Variants in SLC35F1 observed in about 807,000 individuals in gnomAD.
SLC35F1 encodes chromosome 6 open reading frame 169.
SLC35F1 carries 14 observed loss-of-function variants against 48.7 expected under a neutral mutation model. The observed-to-expected ratio is 0.29, with a 90% CI of 0.19 to 0.45. The LOEUF (loss-of-function observed/expected upper bound fraction) is 0.45, where lower values mean the gene tolerates loss of function less well. Ranked by LOEUF, SLC35F1 falls within the 20% of genes least tolerant of loss-of-function variation. The pLI, the probability that SLC35F1 is intolerant of heterozygous loss-of-function variation, is 1.00. For synonymous variants in SLC35F1, 190 were observed against 202.2 expected, an observed-to-expected ratio of 0.94 and a Z score of 0.51; for missense variants, 404 against 500.0, an observed-to-expected ratio of 0.81 and a Z score of 1.83.
intron 1 of SLC35F1, among the ~76,000 whole-genome samples, chr6:118,022,817 C>T (rs1197409172): frequency 1.4e-5 from 2 of 144,748 alleles, no homozygotes; most frequent in African/African-American, 5.2e-5. Flanking sequence ...GTGGTGCGAT[C>T]TCGGCTCACT....
intron 1 of SLC35F1, chr6:117,999,277 C>A (rs1777049738): frequency 6.3e-7 from 1 of 1,595,900 alleles, no homozygotes; most frequent in Non-Finnish European, 8.5e-7. Context: ...ACGTTGCCCA[C>A]CCCAAGCTTG....
At chr6:117,926,557 G>A (rs756392982) in intron 1 of SLC35F1, among the ~76,000 whole-genome samples, 3 of 152,056 alleles carry the variant, frequency 2.0e-5, no homozygotes, top group Non-Finnish European at 4.4e-5. Flanking sequence ...TGGTGGCAGT[G>A]GGGGTTATAG....
At chr6:118,257,610 T>A (rs73530061) in intron 3 of SLC35F1, among the ~76,000 whole-genome samples, 2,085 of 152,294 alleles carry the variant, frequency 0.014, 35 homozygotes, top group African/African-American at 0.036. Context: ...GCTATTATTT[T>A]CTGCCAGTTA....
At chr6:118,311,523 C>G (rs1471860250) in intron 7 of SLC35F1, among the ~76,000 whole-genome samples, 2 of 152,218 alleles carry the variant, frequency 1.3e-5, no homozygotes, top group Admixed American at 6.5e-5. Context: ...GGCGCGATGG[C>G]CCACGCCTGT....
At chr6:118,245,613 C>T (rs1470635449) in intron 3 of SLC35F1, among the ~76,000 whole-genome samples, 3 of 152,192 alleles carry the variant, frequency 2.0e-5, no homozygotes, top group Non-Finnish European at 2.9e-5. Flanking sequence ...GATGTGAATG[C>T]ATTTGGTTTC....
intron 3 of SLC35F1, among the ~76,000 whole-genome samples, chr6:118,250,664 C>A (rs1192475395): frequency 1.3e-5 from 2 of 152,070 alleles, no homozygotes; most frequent in Non-Finnish European, 2.9e-5. Flanking sequence ...ACAGGGGGAA[C>A]AACATGTAGA....
chr6:118,066,815 G>A (rs1368064732), intron 1 of SLC35F1, among the ~76,000 whole-genome samples: 3 of 147,956 alleles, frequency 2.0e-5, no homozygotes, highest in Non-Finnish European at 4.4e-5. Context: ...GCGCGATCTC[G>A]GCTAAGGCAG....
intron 2 of SLC35F1, among the ~76,000 whole-genome samples, chr6:118,232,719 G>C (rs980522084): frequency 6.6e-6 from 1 of 151,946 alleles, no homozygotes; most frequent in East Asian, 1.9e-4. Flanking sequence ...CACATGGAAA[G>C]GCCCAGAGAC....
Position 118,168,764 on chromosome 6 carries a change from C to A in SLC35F1, c.349+14144C>A, listed in dbSNP as rs370738117. On this transcript the variant is annotated intron_variant, in intron 2 of 7. Transcript: ENST00000360388. ...TGGTGATTTGGGAATATACTTTCAGCCCTTGCTGGTATACTGAATTTAAAC... is the reference window on the plus strand; with the variant it reads ...TGGTGATTTGGGAATATACTTTCAGACCTTGCTGGTATACTGAATTTAAAC... Among the ~76,000 whole-genome samples, 6 of 152,174 alleles carry A rather than the reference C, an allele frequency of 3.9e-5. No individual in the cohort carries two copies. The East Asian group carries it at 5.8e-4, about 15-fold the overall frequency.
chr6:118,190,532 ATTTTGG>A (rs1774718059), intron 2 of SLC35F1, among the ~76,000 whole-genome samples: 1 of 152,016 alleles, frequency 6.6e-6, no homozygotes, highest in African/African-American at 2.4e-5. Context: ...TCTCAGCGTG[ATTTTGG>A]GTTTCTAGTC....
At chr6:118,175,193 A>G (rs1774469700) in intron 2 of SLC35F1, among the ~76,000 whole-genome samples, 1 of 152,206 alleles carries the variant, frequency 6.6e-6, no homozygotes, top group South Asian at 2.1e-4. Flanking sequence ...ATCAAAGTAT[A>G]GAAAGTAAAA....
At chr6:118,177,275 T>A (rs1774504199) in intron 2 of SLC35F1, among the ~76,000 whole-genome samples, 1 of 152,128 alleles carries the variant, frequency 6.6e-6, no homozygotes, top group Non-Finnish European at 1.5e-5. Flanking sequence ...AACTCTAAAT[T>A]AGATACTGTC....
chr6:118,109,496 A>T (rs973357372), intron 1 of SLC35F1, among the ~76,000 whole-genome samples: 1 of 152,114 alleles, frequency 6.6e-6, no homozygotes, highest in Non-Finnish European at 1.5e-5. Flanking sequence ...AAAAAGCCAC[A>T]CCATTTTCTA....
At chr6:118,039,796 A>ATTTTTTTTTTTT (rs1312799873) in intron 1 of SLC35F1, among the ~76,000 whole-genome samples, 1 of 55,916 alleles carries the variant, frequency 1.8e-5, no homozygotes, top group African/African-American at 4.6e-5. Flanking sequence ...GCATCTCAGG[A>ATTTTTTTTTTTT]TTGTTTTTTT....
intron 6 of SLC35F1, among the ~76,000 whole-genome samples, chr6:118,279,482 A>C (rs1775956156): frequency 6.6e-6 from 1 of 152,318 alleles, no homozygotes; most frequent in South Asian, 2.1e-4. Flanking sequence ...ATAAATGTTT[A>C]CTAAGTGAGC....
chr6:118,291,342 A>G (rs75099265), intron 7 of SLC35F1, among the ~76,000 whole-genome samples: 10 of 18,946 alleles, frequency 5.3e-4, no homozygotes, highest in South Asian at 3.1e-3. Context: ...GAAGATACAT[A>G]AAAAAAGTCT....
At chr6:118,292,235 T>C (rs414091) in intron 7 of SLC35F1, among the ~76,000 whole-genome samples, 88,772 of 152,082 alleles carry the variant, frequency 0.58, 26,530 homozygotes, top group African/African-American at 0.69. Flanking sequence ...TTCCAGGGTG[T>C]AGCCAGGGTT....
intron 1 of SLC35F1, among the ~76,000 whole-genome samples, chr6:117,926,105 A>G (rs1776024023): frequency 6.6e-6 from 1 of 152,106 alleles, no homozygotes; most frequent in African/African-American, 2.4e-5. Context: ...CTGTGTCCCC[A>G]CCCAAATCTC....
intron 2 of SLC35F1, among the ~76,000 whole-genome samples, chr6:118,224,448 G>C (rs1215293703): frequency 6.6e-6 from 1 of 152,152 alleles, no homozygotes; most frequent in East Asian, 1.9e-4. Flanking sequence ...AAGCTGGAGT[G>C]CAGTGACATG....
Sources: gnomAD v4.1 joint callset for allele counts (sites outside exome capture counted in the v4.1 genomes callset) on GRCh38, gnomAD v4.1.1 for gene constraint, MANE v1.5 for transcripts, NCBI Gene and HGNC (gene_info 2026-07-23, HGNC 2026-07-21) for gene names.